Variants in ZNF257 observed in about 807,000 individuals in gnomAD.
The protein encoded by ZNF257 is zinc finger protein 257.
In ZNF257, 12 loss-of-function variants were observed where a neutral mutation model predicts 11.9. The observed-to-expected ratio is 1.01, with a 90% CI of 0.65 to 1.63. The LOEUF (loss-of-function observed/expected upper bound fraction) is 1.63. ZNF257 is among the 40% of genes most tolerant of loss of function. The pLI is 0.00. For synonymous variants in ZNF257, 183 were observed against 222.7 expected, an observed-to-expected ratio of 0.82 and a Z score of 1.59; for missense variants, 580 against 665.5, an observed-to-expected ratio of 0.87 and a Z score of 1.41.
intron 3 of ZNF257, chr19:22,087,435 C>T (rs149303531): frequency 1.3e-4 from 61 of 474,406 alleles, no homozygotes; most frequent in African/African-American, 1.1e-3. Context: ...CACTTGTTAC[C>T]TGTCTGTGGT....
intron 1 of ZNF257, among the ~76,000 whole-genome samples, chr19:22,062,223 CTTT>C (rs34283330): frequency 2.0e-5 from 2 of 101,796 alleles, no homozygotes; most frequent in Admixed American, 1.1e-4. Context: ...ACTGCGCCTG[CTTT>C]TTTTTTTTTT....
intron 1 of ZNF257, among the ~76,000 whole-genome samples, chr19:22,053,013 T>C (rs940793090): frequency 2.6e-5 from 4 of 152,070 alleles, no homozygotes; most frequent in African/African-American, 7.2e-5. Flanking sequence ...GTTCTGAGTC[T>C]CTCTTTTCTC....
intron 3 of ZNF257, among the ~76,000 whole-genome samples, chr19:22,087,088 T>C (rs1039959096): frequency 2.6e-5 from 4 of 151,996 alleles, no homozygotes; most frequent in African/African-American, 9.6e-5. Flanking sequence ...CTTTTACTCA[T>C]TATTATTCAA....
At chr19:22,065,944 T>C (rs971928616) in intron 1 of ZNF257, 2 of 152,222 alleles carry the variant, frequency 1.3e-5, no homozygotes, top group African/African-American at 2.4e-5. Flanking sequence ...GCTGAAAATA[T>C]GCACACTTTC....
At chr19:22,062,499 T>G (rs1299722201) in intron 1 of ZNF257, among the ~76,000 whole-genome samples, 9 of 134,094 alleles carry the variant, frequency 6.7e-5, no homozygotes, top group Admixed American at 5.3e-4. Context: ...TTTTTTTTTT[T>G]GAGACAGAGT....
At chr19:22,086,710 G>A (rs2022484980) in intron 3 of ZNF257, among the ~76,000 whole-genome samples, 1 of 151,740 alleles carries the variant, frequency 6.6e-6, no homozygotes, top group South Asian at 2.1e-4. Context: ...TCACCTGACA[G>A]CATTTTTTCT....
intron 3 of ZNF257, among the ~76,000 whole-genome samples, chr19:22,077,425 TAAC>T (rs2022253705): frequency 6.6e-6 from 1 of 152,160 alleles, no homozygotes; most frequent in Non-Finnish European, 1.5e-5. Context: ...ACCCATTAAA[TAAC>T]AACAACCCAT....
chr19:22,078,287 G>A (rs572421370), intron 3 of ZNF257, among the ~76,000 whole-genome samples: 4 of 146,968 alleles, frequency 2.7e-5, no homozygotes, highest in African/African-American at 1.0e-4. Context: ...TGAGTGTGAG[G>A]TGATTTTGTT....
At chr19:22,057,510 G>C (rs2021676342) in intron 1 of ZNF257, among the ~76,000 whole-genome samples, 1 of 151,988 alleles carries the variant, frequency 6.6e-6, no homozygotes, top group Admixed American at 6.6e-5. Flanking sequence ...AAATAGAAGG[G>C]GTCTCAGAAG....
chr19:22,053,933 A>C (rs1472937648), intron 1 of ZNF257, among the ~76,000 whole-genome samples: 1 of 152,142 alleles, frequency 6.6e-6, no homozygotes, highest in East Asian at 1.9e-4. Context: ...CTCAAAAAAA[A>C]CAAAACAAAA....
rs372264265 is a variant in ZNF257, at chr19:22,054,373, G to A, written c.3+1738G>A. ...GAGTGAGCCGCGTCCGGCCTTTTCC[G>A]CTGAATTTTTTACATGTGTCCCAAG... On this transcript the variant is annotated intron_variant, in intron 1 of 3. Coordinates refer to ENST00000594947, the MANE Select transcript of ZNF257 (RefSeq NM_033468.4). 1.6e-3 allele frequency among the ~76,000 whole-genome samples: 240 copies of A among 152,126 alleles called. 10 individuals are homozygous for A. The South Asian group carries it at 0.048, about 30-fold the overall frequency.
chr19:22,083,789 C>T (rs552771753), intron 3 of ZNF257, among the ~76,000 whole-genome samples: 2 of 152,148 alleles, frequency 1.3e-5, no homozygotes, highest in South Asian at 4.2e-4. Flanking sequence ...TGTCACTTTG[C>T]AAAATATCAT....
At chr19:22,052,752 G>C (rs1452836882) in intron 1 of ZNF257, 117 bp downstream of exon 1, 12 of 1,294,116 alleles carry the variant, frequency 9.3e-6, no homozygotes, top group African/African-American at 1.5e-5. Flanking sequence ...CTGCGCCCGA[G>C]TTTTCCTTGG....
At chr19:22,079,933 C>T (rs1021872829) in intron 3 of ZNF257, among the ~76,000 whole-genome samples, 3 of 151,978 alleles carry the variant, frequency 2.0e-5, no homozygotes, top group Non-Finnish European at 4.4e-5. Context: ...TAGTTTTATT[C>T]AATTGTGGTC....
intron 3 of ZNF257, among the ~76,000 whole-genome samples, chr19:22,074,999 C>T (rs900615700): frequency 3.3e-5 from 5 of 152,172 alleles, no homozygotes; most frequent in African/African-American, 1.2e-4. Context: ...TTTGAAGGAG[C>T]AAACACCTCT....
chr19:22,076,215 T>G (rs1452982732), intron 3 of ZNF257, among the ~76,000 whole-genome samples: 1 of 150,968 alleles, frequency 6.6e-6, no homozygotes, highest in Non-Finnish European at 1.5e-5. Flanking sequence ...CATAATTTAT[T>G]CATTAAGTAT....
intron 1 of ZNF257, among the ~76,000 whole-genome samples, chr19:22,069,791 A>G (rs925487962): frequency 2.0e-5 from 3 of 150,774 alleles, no homozygotes; most frequent in Non-Finnish European, 4.4e-5. Context: ...TAAATGGATT[A>G]TTAGTATATA....
Position 22,089,540 on chromosome 19 carries a change from CA to C in ZNF257, c.*101del. 1 of 1,497,702 alleles carries C rather than the reference CA, an allele frequency of 6.7e-7. No individual in the cohort carries two copies. The highest frequency in any genetic ancestry group is 8.9e-7 in the Non-Finnish European group (1 of 1,128,574). 92.8% of individuals were successfully genotyped at this position (1,497,702 alleles called of 1,614,324 possible). On this transcript the variant is annotated 3_prime_UTR_variant, in exon 4 of 4. Transcript: ENST00000594947. ...GGGAATTCATAATAGAGAAACCCTA[CA>C]AATGTGAAGAACGTGGCCTGGCTTT...
In ZNF257 at chr19:22,088,168, AC is replaced by A; in HGVS notation, c.421del (p.Gln141ArgfsTer11). On this transcript the variant is annotated frameshift_variant, in exon 4 of 4. Transcript: ENST00000594947. LOFTEE classifies it low-confidence loss of function (END_TRUNC). ...TGGACTTAACCAATGTCTGATAACTACCCAGAGCAAAATGTATCAATGTGAT... is the reference window on the plus strand; with the variant it reads ...TGGACTTAACCAATGTCTGATAACTACCAGAGCAAAATGTATCAATGTGAT... ...YNGLNQCLIT[T>X]QSKMYQCDKY... is the part of the protein sequence containing the mutation. 6.2e-7 allele frequency: 1 copy of A among 1,608,950 alleles called. No individual in the cohort carries two copies. The highest frequency in any genetic ancestry group is 8.5e-7 in the Non-Finnish European group (1 of 1,177,402).
Sources: gnomAD v4.1 joint callset for allele counts (sites outside exome capture counted in the v4.1 genomes callset) on GRCh38, gnomAD v4.1.1 for gene constraint, MANE v1.5 for transcripts, NCBI Gene and HGNC (gene_info 2026-07-23, HGNC 2026-07-21) for gene names.